FTO: variants seen among roughly 807,000 people sequenced by gnomAD.
FTO encodes the protein FTO alpha-ketoglutarate dependent dioxygenase, also known as alpha-ketoglutarate-dependent dioxygenase FTO.
In FTO, 47 loss-of-function variants were observed where a neutral mutation model predicts 63.9. The observed-to-expected ratio is 0.74, with a 90% CI of 0.58 to 0.94. The LOEUF (loss-of-function observed/expected upper bound fraction) is 0.94. Ranked by LOEUF, FTO falls within the 40% of genes least tolerant of loss-of-function variation. The pLI is 0.00. For missense variants in FTO, 562 were observed against 618.1 expected (o/e 0.91, Z 0.96); for synonymous variants, 207 against 224.4 (o/e 0.92, Z 0.69).
chr16:53,755,115 T>C (rs574533845), intron 1 of FTO, among the ~76,000 whole-genome samples: 1 of 152,316 alleles, frequency 6.6e-6, no homozygotes, highest in South Asian at 2.1e-4. Context: ...TGACCAAGAT[T>C]AATAGCTCTT....
At chr16:53,817,055 CT>C (rs1177969512) in intron 2 of FTO, among the ~76,000 whole-genome samples, 1 of 152,178 alleles carries the variant, frequency 6.6e-6, no homozygotes, top group African/African-American at 2.4e-5. Context: ...TTGGTTTATA[CT>C]GTTAAATTAT....
intron 6 of FTO, 36 bp from the exon 7 acceptor site, chr16:53,888,796 G>A (rs772769995): frequency 1.9e-5 from 31 of 1,612,420 alleles, no homozygotes; most frequent in South Asian, 1.2e-4. Flanking sequence ...TATCACAAGG[G>A]TATTAAAACC....
intron 1 of FTO, among the ~76,000 whole-genome samples, chr16:53,767,742 G>C (rs1283319191): frequency 6.6e-6 from 1 of 152,058 alleles, no homozygotes; most frequent in African/African-American, 2.4e-5. Context: ...ATCATTTATA[G>C]ATCAGATTCT....
intron 7 of FTO, among the ~76,000 whole-genome samples, chr16:53,915,319 A>C (rs955267978): frequency 6.6e-6 from 1 of 152,198 alleles, no homozygotes; most frequent in African/African-American, 2.4e-5. Context: ...GTGAACCATG[A>C]AATCACAAAT....
chr16:53,819,709 A>C (rs1455585949), intron 2 of FTO, among the ~76,000 whole-genome samples: 1 of 152,166 alleles, frequency 6.6e-6, no homozygotes, highest in Non-Finnish European at 1.5e-5. Flanking sequence ...TTTATTGATT[A>C]ACTGTATATG....
intron 5 of FTO, among the ~76,000 whole-genome samples, chr16:53,879,428 C>T (rs1232763939): frequency 1.3e-5 from 2 of 152,080 alleles, no homozygotes; most frequent in Admixed American, 6.6e-5. Context: ...GTAATCCCAG[C>T]ACTTTTGGAG....
Position 53,849,816 on chromosome 16 carries a change from A to G in FTO, c.895+5518A>G, listed in dbSNP as rs77290412. ...AGAACAGAGGTCTCCAGGAGTTTAG[A>G]CTCTTAAGCGGGGGCTCCCTTGGGA... On this transcript the variant is annotated intron_variant, in intron 4 of 8. Coordinates refer to ENST00000471389, the MANE Select transcript of FTO (RefSeq NM_001080432.3). Among the ~76,000 whole-genome samples the G allele has an allele frequency of 9.8e-3, 1,496 of 152,120 alleles. 20 individuals are homozygous for G. Among genetic ancestry groups the G allele is most frequent in the African/African-American group, 0.033 (1,367 of 41,478 alleles).
intron 8 of FTO, among the ~76,000 whole-genome samples, chr16:54,029,783 C>G (rs1018008781): frequency 2.6e-5 from 4 of 152,136 alleles, no homozygotes; most frequent in African/African-American, 9.7e-5. Flanking sequence ...AATATCCCAT[C>G]AATAACTGAG....
chr16:54,085,824 C>T (rs1349519123), intron 8 of FTO, among the ~76,000 whole-genome samples: 1 of 152,216 alleles, frequency 6.6e-6, no homozygotes, highest in African/African-American at 2.4e-5. Context: ...CGCACCCTCT[C>T]TCTGGCTTCA....
At chr16:53,899,304 T>C (rs2081346995) in intron 7 of FTO, among the ~76,000 whole-genome samples, 1 of 152,106 alleles carries the variant, frequency 6.6e-6, no homozygotes, top group African/African-American at 2.4e-5. Context: ...AAAGTTAGAA[T>C]CATAGTGTTT....
chr16:54,024,227 G>GTTTGTTT (rs1479146203), intron 8 of FTO, among the ~76,000 whole-genome samples: 55 of 152,120 alleles, frequency 3.6e-4, no homozygotes, highest in African/African-American at 1.2e-3. Context: ...TTTTCTGTTT[G>GTTTGTTT]TTTGTTTTTT....
At chr16:54,084,842 G>A (rs1245742504) in intron 8 of FTO, among the ~76,000 whole-genome samples, 1 of 152,178 alleles carries the variant, frequency 6.6e-6, no homozygotes, top group Non-Finnish European at 1.5e-5. Context: ...CAGATGCCTG[G>A]GAGACTGGGT....
chr16:53,940,590 C>G (rs1424904761), intron 8 of FTO, among the ~76,000 whole-genome samples: 3 of 152,182 alleles, frequency 2.0e-5, no homozygotes, highest in African/African-American at 7.2e-5. Flanking sequence ...AACTCGGTAC[C>G]TTTATAGCTC....
intron 7 of FTO, among the ~76,000 whole-genome samples, chr16:53,926,212 C>T (rs779117568): frequency 3.3e-5 from 5 of 152,156 alleles, no homozygotes; most frequent in Admixed American, 6.5e-5. Context: ...CTACCAAGGG[C>T]ATATACTCAT....
At chr16:53,923,332 A>G (rs1335822866) in intron 7 of FTO, among the ~76,000 whole-genome samples, 3 of 152,204 alleles carry the variant, frequency 2.0e-5, no homozygotes, top group Non-Finnish European at 4.4e-5. Flanking sequence ...AGATTTCTTA[A>G]TGGGCTGTCA....
chr16:53,784,228 A>C (rs765848975), intron 1 of FTO, among the ~76,000 whole-genome samples: 21 of 152,230 alleles, frequency 1.4e-4, no homozygotes, highest in Non-Finnish European at 2.6e-4. Context: ...TCTGCAAAGT[A>C]TACTTGCTGT....
chr16:54,069,288 A>G (rs1567552074), intron 8 of FTO, among the ~76,000 whole-genome samples: 1 of 152,128 alleles, frequency 6.6e-6, no homozygotes. Flanking sequence ...CTGGGCCTAA[A>G]AAGTTCCATG....
chr16:53,706,607 C>T (rs2075628902), intron 1 of FTO, among the ~76,000 whole-genome samples: 1 of 151,978 alleles, frequency 6.6e-6, no homozygotes, highest in Admixed American at 6.5e-5. Flanking sequence ...CTGTGTTGCC[C>T]AAGTTGGTCT....
chr16:53,983,905 A>G (rs1169276597), intron 8 of FTO, among the ~76,000 whole-genome samples: 1 of 152,202 alleles, frequency 6.6e-6, no homozygotes, highest in East Asian at 1.9e-4. Context: ...AAAAATTTTG[A>G]CAACTAATAT....
Sources: allele counts gnomAD v4.1 joint callset (sites outside exome capture counted in the v4.1 genomes callset), GRCh38; gene constraint gnomAD v4.1.1; transcripts MANE v1.5; gene names NCBI Gene and HGNC (gene_info 2026-07-23, HGNC 2026-07-21).